KAZN: variants seen among roughly 807,000 people sequenced by gnomAD.
The protein encoded by KAZN is kazrin, periplakin interacting protein.
In KAZN, 40 loss-of-function variants were observed where a neutral mutation model predicts 87.4. The ratio of observed to expected loss-of-function variants is 0.46; its 90% CI spans 0.36 to 0.60. The LOEUF (loss-of-function observed/expected upper bound fraction) is 0.60. KAZN is among the 20% of genes least tolerant of loss of function. The probability of loss-of-function intolerance (pLI) is 0.00; values close to 1 mark genes in which losing one functional copy is unlikely to be tolerated. For missense variants in KAZN, 898 were observed against 1,073.9 expected, an observed-to-expected ratio of 0.84 and a Z score of 2.29; for synonymous variants, 466 against 458.3, an observed-to-expected ratio of 1.02 and a Z score of -0.22.
At chr1:15,101,164 T>TTCTCTC (rs143288616) in intron 10 of KAZN, among the ~76,000 whole-genome samples, 6,241 of 127,706 alleles carry the variant, frequency 0.049, 566 homozygotes, top group African/African-American at 0.16. Flanking sequence ...GTCTCGGTCT[T>TTCTCTC]TCTCTCTCTC....
intron 2 of KAZN, among the ~76,000 whole-genome samples, chr1:15,004,431 C>T (rs1489470100): frequency 6.6e-6 from 1 of 152,220 alleles, no homozygotes; most frequent in Non-Finnish European, 1.5e-5. Context: ...TGGCTCTCAG[C>T]TTTGCTACTT....
At chr1:14,102,647 C>T (rs1390110211) in intron 1 of KAZN, among the ~76,000 whole-genome samples, 2 of 152,182 alleles carry the variant, frequency 1.3e-5, no homozygotes, top group African/African-American at 4.8e-5. Context: ...CGTCTCCCAT[C>T]CTGGTGCCTT....
intron 1 of KAZN, among the ~76,000 whole-genome samples, chr1:13,989,759 C>T (rs1639194364): frequency 6.6e-6 from 1 of 152,018 alleles, no homozygotes; most frequent in South Asian, 2.1e-4. Flanking sequence ...GACCACAGGC[C>T]CTTGGTACAC....
At chr1:14,285,483 G>A (rs1442557149) in intron 2 of KAZN, among the ~76,000 whole-genome samples, 1 of 152,190 alleles carries the variant, frequency 6.6e-6, no homozygotes, top group South Asian at 2.1e-4. Flanking sequence ...GCTCTAGGGT[G>A]AGATAGCATG....
intron 2 of KAZN, among the ~76,000 whole-genome samples, chr1:14,987,211 T>A (rs1220021152): frequency 6.6e-6 from 1 of 152,140 alleles, no homozygotes; most frequent in East Asian, 1.9e-4. Flanking sequence ...AAGTTCTCTC[T>A]GGGCCGGGCA....
intron 2 of KAZN, among the ~76,000 whole-genome samples, chr1:14,971,610 C>T (rs1665034603): frequency 6.7e-6 from 1 of 149,664 alleles, no homozygotes; most frequent in Non-Finnish European, 1.5e-5. Flanking sequence ...AGGAGAGGAT[C>T]TGGAAGTGGG....
chr1:14,256,240 A>C (rs1344934339), intron 2 of KAZN, among the ~76,000 whole-genome samples: 1 of 152,124 alleles, frequency 6.6e-6, no homozygotes, highest in Non-Finnish European at 1.5e-5. Flanking sequence ...ATGGTATTGC[A>C]ACTCACCCTG....
rs1182516287 is a variant in KAZN at position 15,096,503 on chromosome 1, T to C, written c.1547+1570T>C. On this transcript the variant is annotated intron_variant, in intron 10 of 14. Transcript: ENST00000376030. The surrounding 1 kb of genome is among the most constrained non-coding windows in gnomAD (Gnocchi z 4.5). ...CCTCGTCCCCCAGCATGGCCTGCAC[T>C]TGTGTGTTGCACAACACAGCCCCTA... Among the ~76,000 whole-genome samples the C allele has an allele frequency of 6.6e-6, 1 of 152,218 alleles. No homozygotes were observed. The highest frequency in any genetic ancestry group is 1.5e-5 in the Non-Finnish European group (1 of 68,038).
chr1:14,238,029 T>C (rs546902926), intron 2 of KAZN, among the ~76,000 whole-genome samples: 5 of 152,346 alleles, frequency 3.3e-5, no homozygotes, highest in African/African-American at 1.2e-4. Flanking sequence ...TTTTTTTCAA[T>C]GACATTTTTT....
chr1:14,095,942 A>C (rs1644117507), intron 1 of KAZN, among the ~76,000 whole-genome samples: 1 of 152,164 alleles, frequency 6.6e-6, no homozygotes, highest in Non-Finnish European at 1.5e-5. Flanking sequence ...GTCATGCTTT[A>C]AAATCACCAA....
At chr1:14,683,096 G>A (rs940343616) in intron 1 of KAZN, among the ~76,000 whole-genome samples, 1 of 152,182 alleles carries the variant, frequency 6.6e-6, no homozygotes, top group African/African-American at 2.4e-5. Context: ...TGCTGACAGC[G>A]TGATGGGATG....
chr1:14,030,924 A>G (rs1254831830), intron 1 of KAZN, among the ~76,000 whole-genome samples: 1 of 152,186 alleles, frequency 6.6e-6, no homozygotes, highest in African/African-American at 2.4e-5. Context: ...TGACCCAGCA[A>G]CTGCTGCACC....
chr1:14,255,689 A>C (rs1650454045), intron 2 of KAZN, among the ~76,000 whole-genome samples: 1 of 152,338 alleles, frequency 6.6e-6, no homozygotes, highest in South Asian at 2.1e-4. Flanking sequence ...AGTACTTACA[A>C]CCTGTCTGAC....
At chr1:14,689,915 G>C (rs989550510) in intron 1 of KAZN, among the ~76,000 whole-genome samples, 2 of 152,152 alleles carry the variant, frequency 1.3e-5, no homozygotes, top group Admixed American at 1.3e-4. Context: ...CATTTCCCAG[G>C]GTTATTCCCA....
chr1:14,068,781 A>G (rs1338398919), intron 1 of KAZN, among the ~76,000 whole-genome samples: 4 of 150,836 alleles, frequency 2.7e-5, no homozygotes, highest in Non-Finnish European at 4.4e-5. Context: ...ATCAGGAAGC[A>G]AGAAGTTGTT....
chr1:14,102,151 GCA>G (rs749391555), intron 1 of KAZN, among the ~76,000 whole-genome samples: 3 of 152,078 alleles, frequency 2.0e-5, no homozygotes, highest in Non-Finnish European at 4.4e-5. Context: ...TGAACTCAAA[GCA>G]CAGTTTCAAC....
At chr1:15,048,781 T>G (rs116368809) in intron 4 of KAZN, among the ~76,000 whole-genome samples, 3 of 141,608 alleles carry the variant, frequency 2.1e-5, no homozygotes, top group Non-Finnish European at 4.5e-5. Flanking sequence ...CCTGGGTCGT[T>G]GATCCTTGGT....
chr1:14,382,181 G>C (rs1211560599), intron 2 of KAZN, among the ~76,000 whole-genome samples: 1 of 152,042 alleles, frequency 6.6e-6, no homozygotes, highest in Admixed American at 6.5e-5. Context: ...CCAAAAAAAA[G>C]ATATTCCATT....
rs975167746 is a variant in KAZN, at chr1:15,081,365, T to C, written c.1223-12815T>C. Among the ~76,000 whole-genome samples the C allele has an allele frequency of 1.4e-4, 22 of 152,166 alleles. No homozygotes were observed. Among genetic ancestry groups the C allele is most frequent in the Admixed American group, 6.5e-5 (1 of 15,286 alleles). ...AAAACCAGTGTACCTCTGGAAAATATAAGAGCCGGTTGTTAAACGTGGTTG... is the reference window on the plus strand; with the variant it reads ...AAAACCAGTGTACCTCTGGAAAATACAAGAGCCGGTTGTTAAACGTGGTTG... On this transcript the variant is annotated intron_variant, in intron 8 of 14. Coordinates refer to ENST00000376030, the MANE Select transcript of KAZN (RefSeq NM_201628.3). This position sits in a 1 kb window ranked among gnomAD's most constrained non-coding sequence, Gnocchi z 4.1.
Sources: gnomAD v4.1 joint callset for allele counts (sites outside exome capture counted in the v4.1 genomes callset) on GRCh38, gnomAD v4.1.1 for gene constraint, Gnocchi (gnomAD v3.1) non-coding constraint, MANE v1.5 for transcripts, NCBI Gene and HGNC (gene_info 2026-07-23, HGNC 2026-07-21) for gene names.